The following PHLDB1 variants were observed in gnomAD, a reference collection of about 807,000 sequenced individuals.
PHLDB1 encodes the protein pleckstrin homology like domain family B member 1, also known as pleckstrin homology-like domain family B member 1.
PHLDB1 carries 65 observed loss-of-function variants against 139.3 expected under a neutral mutation model. The ratio of observed to expected loss-of-function variants is 0.47; its 90% CI spans 0.38 to 0.57. The LOEUF is 0.57. Among genes scored for constraint, PHLDB1 ranks in the 20% least tolerant of loss-of-function variants. The pLI is 0.00. For missense variants in PHLDB1, 1,624 were observed against 1,839.7 expected (o/e 0.88, Z 2.14); for synonymous variants, 679 against 734.5 (o/e 0.92, Z 1.22).
At chr11:118,634,986 C>T (rs1945392998) in intron 9 of PHLDB1, 1 of 463,672 alleles carries the variant, frequency 2.2e-6, no homozygotes, top group Non-Finnish European at 4.3e-6. Context: ...CTACGCCGAG[C>T]TCCAGACGCA....
At chr11:118,630,307 G>T (rs1555108786) in intron 6 of PHLDB1, among the ~76,000 whole-genome samples, 1 of 152,202 alleles carries the variant, frequency 6.6e-6, no homozygotes, top group African/African-American at 2.4e-5. Flanking sequence ...AGGCCCCTGA[G>T]AGGTGACTGT....
intron 18 of PHLDB1, among the ~76,000 whole-genome samples, chr11:118,648,623 T>C (rs1947916985): frequency 6.6e-6 from 1 of 152,148 alleles, no homozygotes; most frequent in South Asian, 2.1e-4. Flanking sequence ...ACTCTGACTT[T>C]TGGTTTACAT....
At chr11:118,607,334 TGGTGGTGGTGGTGGTGGTGGTGGTG>T (rs1939353774), upstream of PHLDB1, among the ~76,000 whole-genome samples, 1 of 2,616 alleles carries the variant, frequency 3.8e-4, no homozygotes. Flanking sequence ...GGATGTGTGG[TGGTGGTGGTGGTGGTGGTGGTGGTG>T]GTGGTGGTGG....
In PHLDB1 at chr11:118,655,841, C is replaced by T; in HGVS notation, c.3961-19C>T. 6.2e-7 allele frequency: 1 copy of T among 1,608,412 alleles called. No individual in the cohort carries two copies. Among genetic ancestry groups the T allele is most frequent in the Admixed American group, 1.7e-5 (1 of 60,002 alleles). On this transcript the variant is annotated intron_variant, in intron 21 of 22. Transcript: ENST00000600882. ...CTCTTTGTCAACTTTCTCTTCCTTTCTCCCTCTCCCCTTCCCAGAAGAGGT... is the reference window on the plus strand; with the variant it reads ...CTCTTTGTCAACTTTCTCTTCCTTTTTCCCTCTCCCCTTCCCAGAAGAGGT...
intron 3 of PHLDB1, among the ~76,000 whole-genome samples, chr11:118,615,395 G>A (rs45540840): frequency 0.21 from 32,582 of 151,938 alleles, 3,576 homozygotes; most frequent in South Asian, 0.36. Context: ...CTCCCAAGAT[G>A]AGGCCCTGGC....
intron 1 of PHLDB1, among the ~76,000 whole-genome samples, chr11:118,612,664 G>T (rs1292094835): frequency 6.6e-6 from 1 of 152,216 alleles, no homozygotes; most frequent in Non-Finnish European, 1.5e-5. Flanking sequence ...GAAGCTGGGA[G>T]GGTAAATTTA....
At chr11:118,609,731 GGGCAGGCGGCAGC>G (rs1183535411) in intron 1 of PHLDB1, among the ~76,000 whole-genome samples, 1 of 152,352 alleles carries the variant, frequency 6.6e-6, no homozygotes, top group Non-Finnish European at 1.5e-5. Context: ...AGGGGCGGGC[GGGCAGGCGGCAGC>G]GGCAGGCGCC....
At position 118,614,612 on chromosome 11, in the gene PHLDB1, C is replaced by T. The variant is rs782188971; in HGVS notation, c.114C>T (p.Asp38=). The part of the protein sequence containing the change: ...ETGKGLKVQT[D]KPHLVSLGSG... ...GCAAAGGGCTGAAAGTGCAAACGGA[C>T]AAACCCCACCTGGTGAGCCTGGGCA... Residue 38 remains aspartate, a synonymous_variant, in exon 3 of 23, where the codon GAC becomes GAT. Coordinates refer to ENST00000600882, the MANE Select transcript of PHLDB1 (RefSeq NM_001144758.3). 1.2e-6 allele frequency: 2 copies of T among 1,614,024 alleles called. No individual in the cohort carries two copies. The highest frequency in any genetic ancestry group is 2.7e-5 in the African/African-American group (2 of 75,020).
chr11:118,616,277 G>A lies in PHLDB1; in HGVS notation c.355+66G>A, dbSNP rs1555089522. On this transcript the variant is annotated intron_variant, in intron 4 of 22. Coordinates refer to ENST00000600882, the MANE Select transcript of PHLDB1 (RefSeq NM_001144758.3). ...AAGGCTTGTGTGTATTAGGCACAGGGGAGGCTGGCTGTGGTGGTTGCCATG... is the reference window on the plus strand; with the variant it reads ...AAGGCTTGTGTGTATTAGGCACAGGAGAGGCTGGCTGTGGTGGTTGCCATG... The A allele has an allele frequency of 6.9e-6, 10 of 1,441,604 alleles. No individual in the cohort carries two copies. The East Asian group carries it at 1.1e-4, about 16-fold the overall frequency. The allele number at this position is 1,441,604 out of a possible 1,614,324, so 89.3% of individuals were successfully genotyped here. A position where few individuals can be genotyped will look rare whatever the true frequency, so the allele number is the denominator to read the frequency against.
intron 6 of PHLDB1, among the ~76,000 whole-genome samples, chr11:118,630,543 G>C (rs782658738): frequency 2.0e-5 from 3 of 152,200 alleles, no homozygotes; most frequent in Non-Finnish European, 4.4e-5. Context: ...GTCCCTGTGG[G>C]CTCATGGGTC....
chr11:118,635,293 G>A (rs1945459671), intron 9 of PHLDB1, 100 bp from the exon 10 acceptor site: 2 of 1,367,690 alleles, frequency 1.5e-6, no homozygotes, highest in Non-Finnish European at 2.0e-6. Flanking sequence ...CAATTTCCCC[G>A]GGTCCAGCCC....
intron 18 of PHLDB1, 95 bp downstream of exon 18, chr11:118,648,171 C>A: frequency 1.6e-6 from 2 of 1,238,840 alleles, no homozygotes; most frequent in Non-Finnish European, 2.3e-6. Flanking sequence ...GGCTGTAAAA[C>A]CTGTTCTACT....
At chr11:118,641,782 A>G (rs1050874597) in intron 12 of PHLDB1, 14 of 1,287,924 alleles carry the variant, frequency 1.1e-5, no homozygotes, top group Non-Finnish European at 1.4e-5. Flanking sequence ...GCCTTCACCT[A>G]AGGTTGGTGG....
intron 4 of PHLDB1, among the ~76,000 whole-genome samples, chr11:118,623,874 TTGTGTGTGTGTGTGTG>T (rs3222268): frequency 2.1e-4 from 29 of 141,192 alleles, no homozygotes; most frequent in Admixed American, 4.2e-4. Context: ...CTCTGAACAT[TTGTGTGTGTGTGTGTG>T]TGTGTGTGTG....
Position 118,656,684 on chromosome 11 carries a change from G to C in PHLDB1, c.3995G>C (p.Ser1332Thr), listed in dbSNP as rs782155833. The stretch of plus-strand genomic sequence containing the variant: ...GACCTTCCTCTCTTCCTTTGGCAGA[G>C]CCCGAACCCAGCCCTCACCTTCTGC... The part of the protein sequence containing the change: ...RFFRFTMVTE[S>T]PNPALTFCVK... Residue 1332 changes from serine (S) to threonine (T), a missense_variant and splice_region_variant, in exon 23 of 23, where the codon AGC becomes ACC. Ser to Thr is a moderately conservative substitution (Grantham distance 58). Coordinates refer to ENST00000600882, the MANE Select transcript of PHLDB1 (RefSeq NM_001144758.3). 4 of 1,613,524 alleles carry C rather than the reference G, an allele frequency of 2.5e-6. No individual in the cohort carries two copies. The Admixed American group carries it at 6.7e-5, about 27-fold the overall frequency.
chr11:118,606,486 T>C (rs1361854205), upstream of PHLDB1: 1 of 152,282 alleles, frequency 6.6e-6, no homozygotes, highest in Non-Finnish European at 1.5e-5. Flanking sequence ...TCAAAGAGGA[T>C]AAATTATTTT....
intron 12 of PHLDB1, chr11:118,640,100 G>C: frequency 1.7e-6 from 1 of 594,108 alleles, no homozygotes; most frequent in Non-Finnish European, 2.1e-6. Flanking sequence ...TTAGCTGAAG[G>C]GCATGTGGTG....
At chr11:118,641,887 G>T (rs1171451549) in intron 12 of PHLDB1, 2 of 920,726 alleles carry the variant, frequency 2.2e-6, no homozygotes, top group Non-Finnish European at 3.0e-6. Context: ...CCAGCCCAAG[G>T]GGAGTGCCCA....
intron 4 of PHLDB1, among the ~76,000 whole-genome samples, chr11:118,617,674 G>C (rs1176264092): frequency 1.3e-5 from 2 of 151,876 alleles, no homozygotes; most frequent in African/African-American, 4.8e-5. Flanking sequence ...CCCTCGGGTA[G>C]GGGGCAGGGC....
Sources: allele counts gnomAD v4.1 joint callset (sites outside exome capture counted in the v4.1 genomes callset), GRCh38; gene constraint gnomAD v4.1.1; transcripts MANE v1.5; gene names NCBI Gene and HGNC (gene_info 2026-07-23, HGNC 2026-07-21).